The following NRXN3 variants were observed in gnomAD, a reference collection of about 807,000 sequenced individuals.
NRXN3 encodes neurexin III.
A neutral mutation model predicts 137.6 loss-of-function variants in NRXN3; 32 were observed. The observed-to-expected ratio is 0.23, with a 90% CI of 0.18 to 0.31. The LOEUF (loss-of-function observed/expected upper bound fraction) is 0.31. Ranked by LOEUF, NRXN3 falls within the 10% of genes least tolerant of loss-of-function variation. The probability of loss-of-function intolerance (pLI) is 1.00; values close to 1 mark genes in which losing one functional copy is unlikely to be tolerated. For missense variants in NRXN3, 1,574 were observed against 2,062.5 expected (o/e 0.76, Z 4.59); for synonymous variants, 798 against 784.5 (o/e 1.02, Z -0.29).
intron 15 of NRXN3, among the ~76,000 whole-genome samples, chr14:79,087,139 C>G (rs1289033215): frequency 6.6e-6 from 1 of 152,162 alleles, no homozygotes; most frequent in African/African-American, 2.4e-5. Flanking sequence ...ATGGGCCATA[C>G]AAGGAGTTGA....
chr14:79,323,542 T>G (rs976778518), intron 15 of NRXN3, among the ~76,000 whole-genome samples: 1 of 152,202 alleles, frequency 6.6e-6, no homozygotes, highest in African/African-American at 2.4e-5. Flanking sequence ...GCACTATTTT[T>G]AGAAGGTTAC....
chr14:78,920,750 C>T (rs201459374), intron 10 of NRXN3, among the ~76,000 whole-genome samples: 5 of 152,150 alleles, frequency 3.3e-5, no homozygotes, highest in Admixed American at 1.3e-4. Context: ...CACAGAACCA[C>T]GACATGTTCT....
intron 15 of NRXN3, among the ~76,000 whole-genome samples, chr14:79,196,648 T>C (rs965489837): frequency 8.6e-5 from 13 of 151,886 alleles, no homozygotes; most frequent in African/African-American, 3.1e-4. Flanking sequence ...TATAGATAGA[T>C]AGATATAGAT....
At chr14:79,162,092 CT>C (rs2060829896) in intron 15 of NRXN3, among the ~76,000 whole-genome samples, 1 of 83,516 alleles carries the variant, frequency 1.2e-5, no homozygotes, top group Non-Finnish European at 2.4e-5. Flanking sequence ...AATTAGTTTA[CT>C]TATTTTTTGT....
intron 19 of NRXN3, among the ~76,000 whole-genome samples, chr14:79,702,055 A>T (rs1248586843): frequency 6.6e-6 from 1 of 151,940 alleles, no homozygotes; most frequent in East Asian, 1.9e-4. Flanking sequence ...TATAGTTTAG[A>T]GTAAGGGCTA....
intron 15 of NRXN3, among the ~76,000 whole-genome samples, chr14:79,089,699 A>G (rs1168145158): frequency 1.3e-5 from 2 of 151,196 alleles, no homozygotes. Context: ...TTTTTTTCCC[A>G]TGGAGACGAT....
At chr14:78,808,015 G>A (rs1275078405) in intron 9 of NRXN3, among the ~76,000 whole-genome samples, 1 of 151,632 alleles carries the variant, frequency 6.6e-6, no homozygotes, top group African/African-American at 2.4e-5. Context: ...ATGTGTATGT[G>A]TGCGTGTGTC....
chr14:78,208,553 T>C (rs2062432938), intron 1 of NRXN3, among the ~76,000 whole-genome samples: 1 of 152,242 alleles, frequency 6.6e-6, no homozygotes, highest in East Asian at 1.9e-4. Context: ...TGGACACAGA[T>C]AACACTTCTT....
At chr14:78,637,093 G>T (rs557754108) in intron 4 of NRXN3, among the ~76,000 whole-genome samples, 17 of 152,048 alleles carry the variant, frequency 1.1e-4, no homozygotes, top group African/African-American at 3.9e-4. Flanking sequence ...AAGTATAATT[G>T]TGCCACTCAT....
intron 20 of NRXN3, among the ~76,000 whole-genome samples, chr14:79,824,139 G>C (rs187282204): frequency 6.6e-6 from 1 of 152,288 alleles, no homozygotes; most frequent in Non-Finnish European, 1.5e-5. Context: ...CTGCTGGTTA[G>C]ATGAAAAGAT....
rs2099017750 is a variant in NRXN3 at position 79,755,903 on chromosome 14, G to GTGTCACATTTA, written c.4015-49209_4015-49208insTGTCACATTTA. ...TGCAAATCCTGATTTTCACATTTAAGCTTTACTTAACAGTGTCAATTTGTA... is the reference window on the plus strand; with the variant it reads ...TGCAAATCCTGATTTTCACATTTAAGTGTCACATTTACTTTACTTAACAGTGTCAATTTGTA... On this transcript the variant is annotated intron_variant, in intron 19 of 20. Transcript: ENST00000335750. 2.6e-5 allele frequency among the ~76,000 whole-genome samples: 4 copies of GTGTCACATTTA among 152,154 alleles called. No individual in the cohort carries two copies. In the South Asian group the frequency reaches 6.2e-4, roughly 24 times the overall value.
intron 20 of NRXN3, among the ~76,000 whole-genome samples, chr14:79,849,271 A>G (rs1023820740): frequency 2.0e-5 from 3 of 152,200 alleles, no homozygotes; most frequent in African/African-American, 7.2e-5. Flanking sequence ...ATACATCTAA[A>G]CAAAACACTT....
chr14:78,525,364 C>T (rs2096361986), intron 4 of NRXN3, among the ~76,000 whole-genome samples: 1 of 152,114 alleles, frequency 6.6e-6, no homozygotes, highest in African/African-American at 2.4e-5. Flanking sequence ...AAGCATTGGC[C>T]CCCATGCCTA....
At chr14:78,750,157 C>A (rs1043992376) in intron 8 of NRXN3, among the ~76,000 whole-genome samples, 1 of 152,208 alleles carries the variant, frequency 6.6e-6, no homozygotes, top group Non-Finnish European at 1.5e-5. Context: ...AAGTGTGATC[C>A]AGCCTCACAC....
intron 8 of NRXN3, among the ~76,000 whole-genome samples, chr14:78,726,113 A>G (rs951594598): frequency 1.3e-5 from 2 of 152,134 alleles, no homozygotes; most frequent in African/African-American, 4.8e-5. Context: ...CCATTTTTGG[A>G]TATTACTAAG....
intron 19 of NRXN3, among the ~76,000 whole-genome samples, chr14:79,779,378 G>A (rs1206565807): frequency 1.3e-5 from 2 of 152,070 alleles, no homozygotes; most frequent in Non-Finnish European, 2.9e-5. Flanking sequence ...CTCCCAAAGT[G>A]CTGGGATTAC....
chr14:79,108,984 C>A (rs1193812420), intron 15 of NRXN3, among the ~76,000 whole-genome samples: 1 of 152,130 alleles, frequency 6.6e-6, no homozygotes. Flanking sequence ...CCCTTGTAAT[C>A]ACTCTAAAAA....
chr14:79,263,904 C>T (rs1317944380), intron 15 of NRXN3, among the ~76,000 whole-genome samples: 1 of 151,966 alleles, frequency 6.6e-6, no homozygotes, highest in Non-Finnish European at 1.5e-5. Flanking sequence ...TATAGCAGTA[C>T]CTTGAACTCC....
chr14:78,692,968 A>T (rs1255761670), intron 6 of NRXN3, among the ~76,000 whole-genome samples: 5 of 151,802 alleles, frequency 3.3e-5, no homozygotes, highest in African/African-American at 1.2e-4. Flanking sequence ...CTGCAGTCCC[A>T]GCTACTCAGG....
Sources: gnomAD v4.1 joint callset for allele counts (sites outside exome capture counted in the v4.1 genomes callset) on GRCh38, gnomAD v4.1.1 for gene constraint, MANE v1.5 for transcripts, NCBI Gene and HGNC (gene_info 2026-07-23, HGNC 2026-07-21) for gene names.